ZNF385D: variants seen among roughly 807,000 people sequenced by gnomAD.
ZNF385D encodes zinc finger protein 385D, also known as zinc finger protein 659.
In ZNF385D, 15 loss-of-function variants were observed where a neutral mutation model predicts 35.8. The observed-to-expected ratio is 0.42, with a 90% CI of 0.28 to 0.64. The LOEUF is 0.64. Ranked by LOEUF, ZNF385D falls within the 30% of genes least tolerant of loss-of-function variation. The pLI, the probability that ZNF385D is intolerant of heterozygous loss-of-function variation, is 0.23. For synonymous variants in ZNF385D, 212 were observed against 186.8 expected, an observed-to-expected ratio of 1.13 and a Z score of -1.10; for missense variants, 474 against 494.6, an observed-to-expected ratio of 0.96 and a Z score of 0.39.
At chr3:21,695,271 T>C (rs545536863) in intron 1 of ZNF385D, among the ~76,000 whole-genome samples, 2 of 152,298 alleles carry the variant, frequency 1.3e-5, no homozygotes, top group African/African-American at 4.8e-5. Context: ...CTTTCGGAAA[T>C]TACTTTTCTT....
intron 1 of ZNF385D, among the ~76,000 whole-genome samples, chr3:21,728,853 A>G (rs1174607526): frequency 6.6e-6 from 1 of 152,172 alleles, no homozygotes; most frequent in Middle Eastern, 3.2e-3. Context: ...TGTATACTTC[A>G]TGTATTGATT....
chr3:22,330,659 A>G (rs1694890700), intron 2 of ZNF385D, among the ~76,000 whole-genome samples: 1 of 152,188 alleles, frequency 6.6e-6, no homozygotes, highest in Non-Finnish European at 1.5e-5. Context: ...TGGTTCTCCT[A>G]GCCCATGAGC....
chr3:22,239,372 T>G lies in ZNF385D; in HGVS notation c.107-70337A>C, dbSNP rs148933750. Reference sequence around the variant, plus strand: ...TTAAAATATTTACTATCTATTCCTTTGTAGAAAATTTGCTAACCCTTGTTT... The same window carrying G: ...TTAAAATATTTACTATCTATTCCTTGGTAGAAAATTTGCTAACCCTTGTTT... On this transcript the variant is annotated intron_variant, in intron 2 of 5. Transcript: ENST00000494108. Among the ~76,000 whole-genome samples, 626 of 151,140 alleles carry G rather than the reference T, an allele frequency of 4.1e-3. 17 individuals carry two copies. The highest frequency in any genetic ancestry group is 0.01 in the Middle Eastern group (3 of 294).
chr3:22,174,574 A>G (rs1694690435), intron 2 of ZNF385D, among the ~76,000 whole-genome samples: 1 of 152,200 alleles, frequency 6.6e-6, no homozygotes, highest in Non-Finnish European at 1.5e-5. Context: ...ACATATCTAG[A>G]AGACATTTAG....
intron 3 of ZNF385D, among the ~76,000 whole-genome samples, chr3:22,033,914 C>G (rs1026531206): frequency 5.3e-5 from 8 of 152,130 alleles, no homozygotes; most frequent in Non-Finnish European, 8.8e-5. Flanking sequence ...CAGTACTTTC[C>G]TTGTTTTAAT....
intron 1 of ZNF385D, among the ~76,000 whole-genome samples, chr3:21,700,136 C>T (rs962574734): frequency 6.6e-6 from 1 of 151,946 alleles, no homozygotes; most frequent in Non-Finnish European, 1.5e-5. Flanking sequence ...GCTCTCAGCC[C>T]CCTATGTTAT....
chr3:21,436,852 C>A, intron 5 of ZNF385D, 118 bp downstream of exon 5: 1 of 926,118 alleles, frequency 1.1e-6, no homozygotes, highest in Non-Finnish European at 1.6e-6. Context: ...TAATGATTTC[C>A]ATGTAATAAT....
chr3:21,581,082 G>C (rs1575241352), intron 2 of ZNF385D, among the ~76,000 whole-genome samples: 1 of 152,038 alleles, frequency 6.6e-6, no homozygotes, highest in South Asian at 2.1e-4. Context: ...AGCCACAAGG[G>C]ACATTTTACT....
At chr3:22,232,450 T>C (rs537393089) in intron 2 of ZNF385D, among the ~76,000 whole-genome samples, 4 of 152,258 alleles carry the variant, frequency 2.6e-5, no homozygotes, top group South Asian at 2.1e-4. Flanking sequence ...TTTTGTTACA[T>C]AGGTATACAT....
chr3:21,737,277 T>G (rs1285603162), intron 1 of ZNF385D, among the ~76,000 whole-genome samples: 16 of 152,226 alleles, frequency 1.1e-4, no homozygotes, highest in Non-Finnish European at 2.4e-4. Flanking sequence ...TGCACTATGA[T>G]AGTCATTGTT....
chr3:22,018,333 T>G (rs959137588), intron 3 of ZNF385D, among the ~76,000 whole-genome samples: 4 of 151,808 alleles, frequency 2.6e-5, no homozygotes, highest in African/African-American at 7.2e-5. Context: ...ACATATAGAT[T>G]GTACATTATC....
At chr3:21,762,016 T>C (rs2070638659) in intron 3 of ZNF385D, among the ~76,000 whole-genome samples, 1 of 151,480 alleles carries the variant, frequency 6.6e-6, no homozygotes, top group Admixed American at 6.6e-5. Flanking sequence ...GTAGCCGAGA[T>C]TACAAGCATG....
chr3:22,039,609 A>T (rs1698541749), intron 3 of ZNF385D, among the ~76,000 whole-genome samples: 1 of 152,130 alleles, frequency 6.6e-6, no homozygotes, highest in Non-Finnish European at 1.5e-5. Context: ...TTTGACCTAC[A>T]AAATGACAAT....
chr3:22,085,930 A>G (rs1701012834), intron 3 of ZNF385D, among the ~76,000 whole-genome samples: 1 of 152,232 alleles, frequency 6.6e-6, no homozygotes. Flanking sequence ...AATCCATCAC[A>G]TAAACACAAC....
intron 2 of ZNF385D, among the ~76,000 whole-genome samples, chr3:22,296,063 C>T (rs917775745): frequency 1.3e-5 from 2 of 152,120 alleles, no homozygotes; most frequent in Non-Finnish European, 2.9e-5. Context: ...AGGCCGCATA[C>T]CATCTATCTA....
At chr3:21,613,185 A>C (rs147970841) in intron 2 of ZNF385D, among the ~76,000 whole-genome samples, 18 of 152,218 alleles carry the variant, frequency 1.2e-4, no homozygotes, top group African/African-American at 4.1e-4. Flanking sequence ...AAACTTATAC[A>C]GGAAAGTAAC....
At chr3:21,439,589 C>T (rs1006499939) in intron 4 of ZNF385D, among the ~76,000 whole-genome samples, 1 of 152,052 alleles carries the variant, frequency 6.6e-6, no homozygotes, top group Non-Finnish European at 1.5e-5. Context: ...TGGTCTTAAT[C>T]TGAAAATGGC....
intron 1 of ZNF385D, among the ~76,000 whole-genome samples, chr3:21,725,744 C>G (rs1399018226): frequency 6.6e-6 from 1 of 152,136 alleles, no homozygotes; most frequent in Non-Finnish European, 1.5e-5. Flanking sequence ...CTGAATTCTA[C>G]CAGAGGTACA....
At chr3:21,662,402 A>T (rs2066266518) in intron 2 of ZNF385D, among the ~76,000 whole-genome samples, 1 of 152,190 alleles carries the variant, frequency 6.6e-6, no homozygotes. Flanking sequence ...CTGAAACAAA[A>T]TTAGAGTGGA....
Sources: allele counts gnomAD v4.1 joint callset (sites outside exome capture counted in the v4.1 genomes callset), GRCh38; gene constraint gnomAD v4.1.1; transcripts MANE v1.5; gene names NCBI Gene and HGNC (gene_info 2026-07-23, HGNC 2026-07-21).